Variants in WDR86 observed in about 807,000 individuals in gnomAD.
WDR86 encodes the protein WD repeat domain 86, also known as WD repeat-containing protein 86.
A neutral mutation model predicts 36.5 loss-of-function variants in WDR86; 30 were observed. The observed-to-expected ratio is 0.82, with a 90% CI of 0.61 to 1.11. The LOEUF is 1.11. Ranked by LOEUF, WDR86 falls within the 50% of genes most tolerant of loss-of-function variation. WDR86 has a pLI of 0.00. For missense variants in WDR86, 545 were observed against 561.2 expected, an observed-to-expected ratio of 0.97 and a Z score of 0.29; for synonymous variants, 255 against 252.9, an observed-to-expected ratio of 1.01 and a Z score of -0.08.
At position 151,385,219 on chromosome 7, in the gene WDR86, AC is replaced by A. The variant is rs1296069907; in HGVS notation, c.730del (p.Val244Ter). 6.2e-7 allele frequency: 1 copy of A among 1,611,464 alleles called. No homozygotes were observed. The highest frequency in any genetic ancestry group is 8.5e-7 in the Non-Finnish European group (1 of 1,179,852). On this transcript the variant is annotated frameshift_variant, in exon 4 of 6. Coordinates refer to ENST00000334493, the MANE Select transcript of WDR86 (RefSeq NM_198285.3). LOFTEE classifies it high-confidence loss of function. ...HRGSVICLEL[V>X]NRLVYSGSAD... The stretch of plus-strand genomic sequence containing the variant: ...GCTGCCAGAGTACACGAGTCGGTTC[AC>A]CAGCTGCGAGGAGGAGCAGGGAAGG...
At chr7:151,386,453 C>G (rs1798986441) in intron 3 of WDR86, among the ~76,000 whole-genome samples, 2 of 152,186 alleles carry the variant, frequency 1.3e-5, no homozygotes, top group South Asian at 4.1e-4. Flanking sequence ...CAGTCACCTG[C>G]CCTCTCTCAG....
intron 3 of WDR86, among the ~76,000 whole-genome samples, chr7:151,394,861 G>A (rs1250666695): frequency 2.0e-5 from 3 of 152,240 alleles, no homozygotes; most frequent in Non-Finnish European, 2.9e-5. Flanking sequence ...CCCAGGCACC[G>A]GGATGTTCGA....
chr7:151,382,519 C>T (rs1041660794), intron 4 of WDR86, among the ~76,000 whole-genome samples: 3 of 152,246 alleles, frequency 2.0e-5, no homozygotes, highest in Non-Finnish European at 4.4e-5. Context: ...TCAGTCCAAT[C>T]GTTTTCCAAC....
chr7:151,369,072 A>G, the WDR86 span: 12 of 578,484 alleles, frequency 2.1e-5, no homozygotes, highest in Non-Finnish European at 3.0e-5. Context: ...CAGTGGCACG[A>G]TCTTGGCTCA....
chr7:151,379,538 G>A (rs1798457465), downstream of WDR86, among the ~76,000 whole-genome samples: 1 of 152,172 alleles, frequency 6.6e-6, no homozygotes, highest in Non-Finnish European at 1.5e-5. Flanking sequence ...CTGGGTTCAG[G>A]GGATCAGACT....
Position 151,401,218 on chromosome 7 carries a change from A to T in WDR86, c.164-977T>A, listed in dbSNP as rs140946283. 6.6e-6 allele frequency among the ~76,000 whole-genome samples: 1 copy of T among 152,288 alleles called. No homozygotes were observed. Among genetic ancestry groups the T allele is most frequent in the East Asian group, 1.9e-4 (1 of 5,174 alleles). On this transcript the variant is annotated intron_variant, in intron 1 of 5. Coordinates refer to ENST00000334493, the MANE Select transcript of WDR86 (RefSeq NM_198285.3). This position sits in a 1 kb window ranked among gnomAD's most constrained non-coding sequence, Gnocchi z 4.3. ...CTATTCTGCACCTAACTTTCAGGGT[A>T]TTCTTCCTCCTGTGCAATACATTGC...
At chr7:151,398,427 CATGT>C (rs1800037077) in intron 2 of WDR86, among the ~76,000 whole-genome samples, 2 of 150,090 alleles carry the variant, frequency 1.3e-5, no homozygotes, top group Non-Finnish European at 3.0e-5. Flanking sequence ...CGTGTGTGCA[CATGT>C]GTAAGTTGTG....
Position 151,401,921 on chromosome 7 carries a change from C to T in WDR86, c.164-1680G>A, listed in dbSNP as rs1044957865. Among the ~76,000 whole-genome samples the T allele has an allele frequency of 3.3e-5, 5 of 149,968 alleles. No individual in the cohort carries two copies. Among genetic ancestry groups the T allele is most frequent in the South Asian group, 2.1e-4 (1 of 4,760 alleles). The stretch of plus-strand genomic sequence containing the variant: ...AAAATTAGCCGGGCGTGGTGGTGGG[C>T]GCCTGTAATCCCAGCTACTCGGGAG... On this transcript the variant is annotated intron_variant, in intron 1 of 5. Transcript: ENST00000334493. This position sits in a 1 kb window ranked among gnomAD's most constrained non-coding sequence, Gnocchi z 4.3.
chr7:151,387,556 G>A (rs543724514), intron 3 of WDR86, among the ~76,000 whole-genome samples: 2 of 152,158 alleles, frequency 1.3e-5, no homozygotes, highest in Admixed American at 6.5e-5. Flanking sequence ...AGGGCTCCTC[G>A]CAGCCACGGC....
At chr7:151,376,624 T>C, downstream of WDR86, 1 of 1,600,772 alleles carries the variant, frequency 6.2e-7, no homozygotes, top group Non-Finnish European at 8.5e-7. Context: ...ACCCCTGCGC[T>C]CTCCCCTAGT....
downstream of WDR86, among the ~76,000 whole-genome samples, chr7:151,380,039 G>A (rs533621044): frequency 4.6e-5 from 7 of 152,214 alleles, no homozygotes; most frequent in Non-Finnish European, 8.8e-5. Context: ...CAATGGCTCC[G>A]GGACGCAGCA....
Position 151,409,620 on chromosome 7 carries a change from C to A in WDR86, c.-31G>T. On this transcript the variant is annotated 5_prime_UTR_variant, in exon 1 of 6. Transcript: ENST00000334493. The surrounding 1 kb of genome is among the most constrained non-coding windows in gnomAD (Gnocchi z 5.2). Reference sequence around the variant, plus strand: ...TGGCAGGGCGGGGAACAAGAAGGAGCTGCGCCCCGCTAGGGAGGGGCGCCC... The same window carrying A: ...TGGCAGGGCGGGGAACAAGAAGGAGATGCGCCCCGCTAGGGAGGGGCGCCC... The A allele has an allele frequency of 7.4e-7, 1 of 1,349,566 alleles. No homozygotes were observed. Among genetic ancestry groups the A allele is most frequent in the South Asian group, 1.9e-5 (1 of 53,590 alleles). The allele number at this position is 1,349,566 out of a possible 1,614,324, so 83.6% of individuals were successfully genotyped here. A position where few individuals can be genotyped will look rare whatever the true frequency, so the allele number is the denominator to read the frequency against.
chr7:151,403,728 A>C (rs750572601), intron 1 of WDR86, among the ~76,000 whole-genome samples: 4 of 152,246 alleles, frequency 2.6e-5, no homozygotes, highest in African/African-American at 7.2e-5. Context: ...AACGCAGGCT[A>C]GATTTTTGCC....
chr7:151,386,426 C>A (rs1421643880), intron 3 of WDR86, among the ~76,000 whole-genome samples: 2 of 152,230 alleles, frequency 1.3e-5, no homozygotes, highest in African/African-American at 2.4e-5. Flanking sequence ...GCAGAGGCTG[C>A]AGGTGCTTCC....
intron 2 of WDR86, among the ~76,000 whole-genome samples, chr7:151,398,151 G>C (rs1311939999): frequency 1.3e-5 from 2 of 152,150 alleles, no homozygotes; most frequent in African/African-American, 4.8e-5. Flanking sequence ...CATGTGTGTT[G>C]TGTGCACAAT....
rs59360596 is a variant in WDR86 at position 151,381,201 on chromosome 7, G to C, written c.*381C>G. The C allele has an allele frequency of 1.6e-6, 2 of 1,264,222 alleles. No homozygotes were observed. Among genetic ancestry groups the C allele is most frequent in the East Asian group, 6.3e-5 (2 of 31,774 alleles). 78.3% of individuals were successfully genotyped at this position (1,264,222 alleles called of 1,614,324 possible). A position where few individuals can be genotyped will look rare whatever the true frequency, so the allele number is the denominator to read the frequency against. On this transcript the variant is annotated 3_prime_UTR_variant, in exon 6 of 6. Transcript: ENST00000334493. This position sits in a 1 kb window ranked among gnomAD's most constrained non-coding sequence, Gnocchi z 4.8. ...CGATTTGCCAAAATAACCAGGTTCA[G>C]TGGCTTCTGTAAAAAGTCACTTCCT...
upstream of WDR86, among the ~76,000 whole-genome samples, chr7:151,410,336 C>T (rs1801124478): frequency 6.6e-6 from 1 of 152,206 alleles, no homozygotes; most frequent in South Asian, 2.1e-4. Context: ...ATTTGGGGCG[C>T]AGCTCCACCG....
chr7:151,375,198 A>T (rs146624264), downstream of WDR86, among the ~76,000 whole-genome samples: 1,163 of 152,352 alleles, frequency 7.6e-3, 17 homozygotes, highest in African/African-American at 0.027. Context: ...AACTATGTAC[A>T]TGTATATTTA....
At chr7:151,371,945 C>A (rs1020851915), downstream of WDR86, among the ~76,000 whole-genome samples, 13 of 152,186 alleles carry the variant, frequency 8.5e-5, no homozygotes, top group Non-Finnish European at 7.4e-5. Flanking sequence ...TGGGTTCAAG[C>A]AGTCCTCCCA....
Sources: allele counts gnomAD v4.1 joint callset (sites outside exome capture counted in the v4.1 genomes callset), GRCh38; gene constraint gnomAD v4.1.1; non-coding constraint Gnocchi (gnomAD v3.1); transcripts MANE v1.5; gene names NCBI Gene and HGNC (gene_info 2026-07-23, HGNC 2026-07-21).